The following SRSF10 variants were observed in gnomAD, a reference collection of about 807,000 sequenced individuals.
SRSF10 encodes serine and arginine rich splicing factor 10.
Under a neutral mutation model 32.6 loss-of-function variants are expected in SRSF10, and 9 were observed. That is an observed-to-expected ratio of 0.28 (90% CI 0.17 to 0.48). The LOEUF (loss-of-function observed/expected upper bound fraction) is 0.48. Among genes scored for constraint, SRSF10 ranks in the 20% least tolerant of loss-of-function variants. SRSF10 has a pLI of 0.99. For synonymous variants in SRSF10, 105 were observed against 112.4 expected (o/e 0.93, Z 0.42); for missense variants, 201 against 331.8 (o/e 0.61, Z 3.06).
Position 23,968,453 on chromosome 1 carries a change from T to G in SRSF10, c.*2689A>C, listed in dbSNP as rs1037534777. Among the ~76,000 whole-genome samples the G allele has an allele frequency of 1.3e-5, 2 of 152,168 alleles. No individual in the cohort carries two copies. The highest frequency in any genetic ancestry group is 4.8e-5 in the African/African-American group (2 of 41,444). On this transcript the variant is annotated 3_prime_UTR_variant, in exon 6 of 6. Coordinates refer to ENST00000492112, the MANE Select transcript of SRSF10 (RefSeq NM_054016.4). ...TAAATCCTGGCTCTGCCTTACAGTC[T>G]TTTCTTTGTGCCTCAGTTTCCTTAT...
chr1:23,971,659 T>C (rs1641760149), intron 4 of SRSF10, 33 bp from the exon 5 acceptor site: 5 of 1,600,902 alleles, frequency 3.1e-6, no homozygotes, highest in African/African-American at 1.3e-5. Context: ...CAGTGACAAA[T>C]ATCTATTCAT....
chr1:23,975,326 T>C (rs898014802), intron 2 of SRSF10: 12 of 418,420 alleles, frequency 2.9e-5, no homozygotes, highest in Non-Finnish European at 5.1e-5. Flanking sequence ...ATTATTGAAA[T>C]AAGATCTGTT....
chr1:23,966,729 C>G lies in SRSF10; in HGVS notation c.*4413G>C, dbSNP rs1457616189. ...AATTTATTATAACTCTAGTATATTA[C>G]AGTCACTGCACAATAAACCAGTTTA... is the stretch of plus-strand genomic sequence containing the variant. On this transcript the variant is annotated 3_prime_UTR_variant, in exon 6 of 6. Coordinates refer to ENST00000492112, the MANE Select transcript of SRSF10 (RefSeq NM_054016.4). 1.3e-5 allele frequency: 2 copies of G among 152,016 alleles called. No homozygotes were observed. Among genetic ancestry groups the G allele is most frequent in the Non-Finnish European group, 2.9e-5 (2 of 67,936 alleles). 9.4% of individuals were successfully genotyped at this position (152,016 alleles called of 1,614,324 possible). A position where few individuals can be genotyped will look rare whatever the true frequency, so the allele number is the denominator to read the frequency against.
At chr1:23,979,299 GGAAAGAA>G (rs1642303256) in intron 1 of SRSF10, among the ~76,000 whole-genome samples, 1 of 107,486 alleles carries the variant, frequency 9.3e-6, no homozygotes, top group Non-Finnish European at 2.3e-5. Context: ...AATTATTTAT[GGAAAGAA>G]TTATTGCTTT....
intron 3 of SRSF10, among the ~76,000 whole-genome samples, chr1:23,973,560 A>G (rs1641899389): frequency 3.3e-5 from 5 of 152,030 alleles, no homozygotes; most frequent in Non-Finnish European, 2.9e-5. Flanking sequence ...GGCTCAGGCA[A>G]TTCTCCCGCC....
chr1:23,978,920 A>T, intron 1 of SRSF10, 103 bp from the exon 2 acceptor site: 1 of 1,042,948 alleles, frequency 9.6e-7, no homozygotes. Flanking sequence ...AAGAATTTGG[A>T]AGATAAAAAT....
In SRSF10 at chr1:23,970,611, G is replaced by C. The variant is rs1136890; in HGVS notation, c.*531C>G. 1 of 925,434 alleles carries C rather than the reference G, an allele frequency of 1.1e-6. No individual in the cohort carries two copies. The highest frequency in any genetic ancestry group is 5.0e-5 in the South Asian group (1 of 20,080). 57.3% of individuals were successfully genotyped at this position (925,434 alleles called of 1,614,324 possible). On this transcript the variant is annotated 3_prime_UTR_variant, in exon 6 of 6. Transcript: ENST00000492112. ...CCTGACCTCGTGATCCGCCCGCCTC[G>C]GCCTCCCAAAGTGCTGGGATTACAG... is the stretch of plus-strand genomic sequence containing the variant.
chr1:23,967,870 G>A lies in SRSF10; in HGVS notation c.*3272C>T. Reference sequence around the variant, plus strand: ...CAATAGTTCCCAGGTCTTTCCCCTGGGATGTAACTTAACAGCTCATACTCT... The same window carrying A: ...CAATAGTTCCCAGGTCTTTCCCCTGAGATGTAACTTAACAGCTCATACTCT... On this transcript the variant is annotated 3_prime_UTR_variant, in exon 6 of 6. Coordinates refer to ENST00000492112, the MANE Select transcript of SRSF10 (RefSeq NM_054016.4). 6.5e-7 allele frequency: 1 copy of A among 1,548,550 alleles called. No homozygotes were observed. The highest frequency in any genetic ancestry group is 8.7e-7 in the Non-Finnish European group (1 of 1,146,198).
At position 23,967,313 on chromosome 1, in the gene SRSF10, A is replaced by T; in HGVS notation, c.*3829T>A. 5.1e-6 allele frequency: 1 copy of T among 196,226 alleles called. No homozygotes were observed. Among genetic ancestry groups the T allele is most frequent in the Non-Finnish European group, 1.0e-5 (1 of 97,154 alleles). 12.2% of individuals were successfully genotyped at this position (196,226 alleles called of 1,614,324 possible). On this transcript the variant is annotated 3_prime_UTR_variant, in exon 6 of 6. Transcript: ENST00000492112. Reference sequence around the variant, plus strand: ...GACCATACCTTTTCCCACCCAATTCAGTTTGAGACAGACCAACAGAGGCAC... The same window carrying T: ...GACCATACCTTTTCCCACCCAATTCTGTTTGAGACAGACCAACAGAGGCAC...
intron 3 of SRSF10, 129 bp from the exon 4 acceptor site, chr1:23,972,141 G>T: frequency 2.7e-6 from 2 of 739,094 alleles, no homozygotes; most frequent in African/African-American, 1.9e-5. Flanking sequence ...CCGGGTGGTG[G>T]CTCACACCTG....
At chr1:23,979,127 T>C (rs1359167138) in intron 1 of SRSF10, among the ~76,000 whole-genome samples, 2 of 149,600 alleles carry the variant, frequency 1.3e-5, no homozygotes, top group African/African-American at 4.9e-5. Flanking sequence ...CAAGCACTTA[T>C]TTTTACTCCC....
At chr1:23,971,504 ATTTT>A in intron 5 of SRSF10, 65 bp from the exon 6 acceptor site, 1 of 1,588,848 alleles carries the variant, frequency 6.3e-7, no homozygotes, top group East Asian at 2.2e-5. Context: ...CAAATTTGTT[ATTTT>A]TAGAGCAAAA....
Position 23,965,041 on chromosome 1 carries a change from G to A in SRSF10, c.*6101C>T. On this transcript the variant is annotated 3_prime_UTR_variant, in exon 6 of 6. Coordinates refer to ENST00000492112, the MANE Select transcript of SRSF10 (RefSeq NM_054016.4). ...GATAACCAACACTGTTAAGAGGAAGGGGAAGAGGAAAAAACCCAAGAGAAG... is the reference window on the plus strand; with the variant it reads ...GATAACCAACACTGTTAAGAGGAAGAGGAAGAGGAAAAAACCCAAGAGAAG... 1 of 151,906 alleles carries A rather than the reference G, an allele frequency of 6.6e-6. No individual in the cohort carries two copies. The highest frequency in any genetic ancestry group is 1.5e-5 in the Non-Finnish European group (1 of 67,832). 9.4% of individuals were successfully genotyped at this position (151,906 alleles called of 1,614,324 possible).
intron 3 of SRSF10, among the ~76,000 whole-genome samples, chr1:23,973,784 A>T (rs1370157680): frequency 6.6e-6 from 1 of 152,218 alleles, no homozygotes; most frequent in African/African-American, 2.4e-5. Flanking sequence ...TACAGTTCTA[A>T]GACCCTAAGT....
chr1:23,978,361 T>C (rs1316789965), intron 2 of SRSF10: 2 of 955,884 alleles, frequency 2.1e-6, no homozygotes, highest in Non-Finnish European at 2.5e-6. Flanking sequence ...GATCAAGTGA[T>C]TCAAATTAAC....
chr1:23,971,544 T>A, intron 5 of SRSF10, 29 bp downstream of exon 5: 1 of 1,602,098 alleles, frequency 6.2e-7, no homozygotes, highest in Non-Finnish European at 8.5e-7. Flanking sequence ...AAAAAATACA[T>A]GAGTCTTTTT....
Position 23,967,327 on chromosome 1 carries a change from C to T in SRSF10, c.*3815G>A, listed in dbSNP as rs1641501112. The T allele has an allele frequency of 1.4e-5, 3 of 210,332 alleles. No homozygotes were observed. The highest frequency in any genetic ancestry group is 2.8e-5 in the Non-Finnish European group (3 of 105,724). The allele number at this position is 210,332 out of a possible 1,614,324, so 13.0% of individuals were successfully genotyped here. ...CCACCCAATTCAGTTTGAGACAGAC[C>T]AACAGAGGCACTGTAAGAGACTATG... On this transcript the variant is annotated 3_prime_UTR_variant, in exon 6 of 6. Coordinates refer to ENST00000492112, the MANE Select transcript of SRSF10 (RefSeq NM_054016.4).
chr1:23,979,087 T>A (rs1642264264), intron 1 of SRSF10: 37 of 150,620 alleles, frequency 2.5e-4, no homozygotes, highest in South Asian at 1.1e-3. Flanking sequence ...TTTTACAGCA[T>A]CAAATCGACT....
chr1:23,969,576 A>G lies in SRSF10; in HGVS notation c.*1566T>C. The G allele has an allele frequency of 1.0e-6, 1 of 985,284 alleles. No homozygotes were observed. The highest frequency in any genetic ancestry group is 1.2e-6 in the Non-Finnish European group (1 of 829,780). 61.0% of individuals were successfully genotyped at this position (985,284 alleles called of 1,614,324 possible). A position where few individuals can be genotyped will look rare whatever the true frequency, so the allele number is the denominator to read the frequency against. Reference sequence around the variant, plus strand: ...AAATTGAAAAAAGTAATCCTCTAAAAGGAATCGTTTGTCCATAATTCGTAC... The same window carrying G: ...AAATTGAAAAAAGTAATCCTCTAAAGGGAATCGTTTGTCCATAATTCGTAC... On this transcript the variant is annotated 3_prime_UTR_variant, in exon 6 of 6. Transcript: ENST00000492112.
Sources: allele counts gnomAD v4.1 joint callset (sites outside exome capture counted in the v4.1 genomes callset), GRCh38; gene constraint gnomAD v4.1.1; transcripts MANE v1.5; gene names NCBI Gene and HGNC (gene_info 2026-07-23, HGNC 2026-07-21).